The following ASTN2 variants were observed in gnomAD, a reference collection of about 807,000 sequenced individuals.
The protein encoded by ASTN2 is astrotactin 2.
Under a neutral mutation model 139.8 loss-of-function variants are expected in ASTN2, and 54 were observed. The ratio of observed to expected loss-of-function variants is 0.39; its 90% CI spans 0.31 to 0.48. The LOEUF is 0.48. ASTN2 is among the 20% of genes least tolerant of loss of function. The pLI, the probability that ASTN2 is intolerant of heterozygous loss-of-function variation, is 0.95. For missense variants in ASTN2, 1,565 were observed against 1,725.1 expected (o/e 0.91, Z 1.64); for synonymous variants, 756 against 719.5 (o/e 1.05, Z -0.81).
intron 11 of ASTN2, among the ~76,000 whole-genome samples, chr9:116,853,459 C>T (rs1053830962): frequency 6.6e-6 from 1 of 152,166 alleles, no homozygotes; most frequent in Non-Finnish European, 1.5e-5. Flanking sequence ...GTGCTTGGCA[C>T]AACCACTAAA....
chr9:116,697,673 C>A (rs1588214551), intron 16 of ASTN2: 1 of 1,590,672 alleles, frequency 6.3e-7, no homozygotes, highest in African/African-American at 1.3e-5. Context: ...AGGAATTTGA[C>A]CCTCTAGGGC....
At chr9:116,693,194 G>T (rs1420700334) in intron 16 of ASTN2, among the ~76,000 whole-genome samples, 1 of 152,124 alleles carries the variant, frequency 6.6e-6, no homozygotes, top group Non-Finnish European at 1.5e-5. Flanking sequence ...ATCAGGCTAA[G>T]TACTTTATAT....
At chr9:117,128,982 C>T (rs1354434371) in intron 4 of ASTN2, among the ~76,000 whole-genome samples, 1 of 152,176 alleles carries the variant, frequency 6.6e-6, no homozygotes, top group Non-Finnish European at 1.5e-5. Context: ...TCATTTATCT[C>T]CCACCAGGTC....
chr9:116,817,684 G>C (rs1490409260), intron 12 of ASTN2, among the ~76,000 whole-genome samples: 1 of 152,306 alleles, frequency 6.6e-6, no homozygotes, highest in Non-Finnish European at 1.5e-5. Context: ...TTAGCTCCTG[G>C]AGACAAAGTA....
At chr9:117,115,280 G>A (rs1829355154) in intron 4 of ASTN2, among the ~76,000 whole-genome samples, 2 of 152,120 alleles carry the variant, frequency 1.3e-5, no homozygotes, top group Admixed American at 1.3e-4. Context: ...ACTTTGGGAG[G>A]CCGAGGCAGG....
intron 3 of ASTN2, among the ~76,000 whole-genome samples, chr9:117,168,724 G>A (rs927353526): frequency 2.0e-5 from 3 of 152,064 alleles, no homozygotes; most frequent in African/African-American, 7.2e-5. Context: ...ATAACTCATA[G>A]TAAAAAATAC....
intron 5 of ASTN2, among the ~76,000 whole-genome samples, chr9:117,057,201 A>G (rs1839088317): frequency 6.6e-6 from 1 of 152,196 alleles, no homozygotes; most frequent in South Asian, 2.1e-4. Context: ...GGTTCCTCCT[A>G]GCCTAAGGGC....
chr9:116,462,648 G>T (rs1350394702), intron 20 of ASTN2, among the ~76,000 whole-genome samples: 1 of 152,134 alleles, frequency 6.6e-6, no homozygotes, highest in Non-Finnish European at 1.5e-5. Flanking sequence ...TAAGCTCAAA[G>T]AGGTCAGTAG....
At chr9:117,328,256 G>T (rs1011763629) in intron 1 of ASTN2, among the ~76,000 whole-genome samples, 1 of 152,120 alleles carries the variant, frequency 6.6e-6, no homozygotes, top group African/African-American at 2.4e-5. Flanking sequence ...TAGGTTGCAC[G>T]CATACACACT....
At chr9:116,957,858 T>C (rs932509976) in intron 10 of ASTN2, among the ~76,000 whole-genome samples, 3 of 152,138 alleles carry the variant, frequency 2.0e-5, no homozygotes, top group Admixed American at 6.5e-5. Context: ...TTTTTGTATT[T>C]TTCACTGAGA....
intron 15 of ASTN2, among the ~76,000 whole-genome samples, chr9:116,726,647 A>G (rs1468328555): frequency 6.6e-6 from 1 of 152,122 alleles, no homozygotes; most frequent in African/African-American, 2.4e-5. Flanking sequence ...TCTCTTTAAC[A>G]GTGGTATGTT....
intron 19 of ASTN2, among the ~76,000 whole-genome samples, chr9:116,491,098 T>G (rs1021262830): frequency 3.3e-5 from 5 of 152,220 alleles, no homozygotes; most frequent in African/African-American, 9.6e-5. Flanking sequence ...GTGAAGGAAC[T>G]GGCTCACCTG....
chr9:116,504,909 A>AAC (rs1850043169), intron 19 of ASTN2, among the ~76,000 whole-genome samples: 1 of 150,784 alleles, frequency 6.6e-6, no homozygotes, highest in Non-Finnish European at 1.5e-5. Context: ...AAAAAAAAAA[A>AAC]AAAAACCCAA....
chr9:116,925,232 C>T (rs1834721624), intron 10 of ASTN2, among the ~76,000 whole-genome samples: 1 of 152,206 alleles, frequency 6.6e-6, no homozygotes, highest in African/African-American at 2.4e-5. Flanking sequence ...ACTACCACCA[C>T]TACCATCATC....
chr9:116,552,687 A>T (rs952108886), intron 19 of ASTN2, among the ~76,000 whole-genome samples: 2 of 152,208 alleles, frequency 1.3e-5, no homozygotes, highest in Non-Finnish European at 2.9e-5. Flanking sequence ...CACCAGCTAG[A>T]TGACTCTGCT....
chr9:116,505,703 G>GT (rs1287010686), intron 19 of ASTN2, among the ~76,000 whole-genome samples: 2 of 152,174 alleles, frequency 1.3e-5, no homozygotes, highest in African/African-American at 4.8e-5. Flanking sequence ...AGTGTACCTG[G>GT]TATTTTCATA....
intron 20 of ASTN2, among the ~76,000 whole-genome samples, chr9:116,451,365 T>C (rs532488959): frequency 6.6e-6 from 1 of 152,208 alleles, no homozygotes; most frequent in African/African-American, 2.4e-5. Flanking sequence ...TGAGTAATTA[T>C]CACAGCAGTT....
intron 1 of ASTN2, among the ~76,000 whole-genome samples, chr9:117,391,110 T>A (rs961353071): frequency 7.2e-5 from 11 of 152,252 alleles, no homozygotes; most frequent in Middle Eastern, 3.4e-3. Context: ...GTTAGTTGAC[T>A]TGGAGGATAG....
chr9:117,399,206 A>T (rs950740565), intron 1 of ASTN2, among the ~76,000 whole-genome samples: 9 of 152,206 alleles, frequency 5.9e-5, no homozygotes, highest in African/African-American at 2.2e-4. Flanking sequence ...AAAGGCCGAC[A>T]TGCAATCAAC....
Sources: allele counts gnomAD v4.1 joint callset (sites outside exome capture counted in the v4.1 genomes callset), GRCh38; gene constraint gnomAD v4.1.1; transcripts MANE v1.5; gene names NCBI Gene and HGNC (gene_info 2026-07-23, HGNC 2026-07-21).